RIC1: variants seen among roughly 807,000 people sequenced by gnomAD.
RIC1 encodes the protein RIC1 partner of RAB6A GEF complex, also known as guanine nucleotide exchange factor subunit RIC1.
Under a neutral mutation model 169.0 loss-of-function variants are expected in RIC1, and 88 were observed. That is an observed-to-expected ratio of 0.52 (90% CI 0.44 to 0.62). RIC1 has a LOEUF of 0.62. Ranked by LOEUF, RIC1 falls within the 20% of genes least tolerant of loss-of-function variation. The pLI is 0.00. For synonymous variants in RIC1, 790 were observed against 601.5 expected, an observed-to-expected ratio of 1.31 and a Z score of -4.59; for missense variants, 1,877 against 1,725.5, an observed-to-expected ratio of 1.09 and a Z score of -1.56.
chr9:5,677,273 C>G (rs904692917), intron 2 of RIC1, among the ~76,000 whole-genome samples: 2 of 152,128 alleles, frequency 1.3e-5, no homozygotes, highest in Non-Finnish European at 2.9e-5. Flanking sequence ...TTTCTAATAA[C>G]TAATGATGTT....
At chr9:5,748,075 C>G (rs909791491) in intron 12 of RIC1, among the ~76,000 whole-genome samples, 6 of 152,176 alleles carry the variant, frequency 3.9e-5, no homozygotes, top group Non-Finnish European at 7.3e-5. Context: ...TTCTGATAAA[C>G]TGACATTTAA....
At chr9:5,700,861 T>C (rs1822170488) in intron 3 of RIC1, among the ~76,000 whole-genome samples, 1 of 152,242 alleles carries the variant, frequency 6.6e-6, no homozygotes, top group Admixed American at 6.5e-5. Flanking sequence ...ATTTTTTCTT[T>C]TCCATGTAGT....
intron 3 of RIC1, among the ~76,000 whole-genome samples, chr9:5,697,094 A>G (rs1373439417): frequency 6.6e-6 from 1 of 152,174 alleles, no homozygotes; most frequent in Admixed American, 6.5e-5. Flanking sequence ...GTCACTATGT[A>G]TTTGGATAGT....
At chr9:5,730,908 C>T (rs1252111647) in intron 6 of RIC1, among the ~76,000 whole-genome samples, 1 of 152,090 alleles carries the variant, frequency 6.6e-6, no homozygotes, top group African/African-American at 2.4e-5. Context: ...TTTCACAACC[C>T]ATCCACTTCA....
At chr9:5,764,953 A>G (rs1291992244) in intron 19 of RIC1, 1 of 153,106 alleles carries the variant, frequency 6.5e-6, no homozygotes, top group East Asian at 1.9e-4. Context: ...TGTGCAGCAG[A>G]ACTTTACTAC....
At chr9:5,634,362 A>T (rs947013833) in intron 1 of RIC1, among the ~76,000 whole-genome samples, 7 of 152,082 alleles carry the variant, frequency 4.6e-5, no homozygotes, top group Non-Finnish European at 8.8e-5. Context: ...CAGGGAGGGG[A>T]TCCCTTTTCT....
chr9:5,679,905 C>T (rs1284048376), intron 2 of RIC1, among the ~76,000 whole-genome samples: 1 of 152,212 alleles, frequency 6.6e-6, no homozygotes, highest in East Asian at 1.9e-4. Context: ...GAGAGGGCAT[C>T]CCTGTCTTGT....
chr9:5,674,671 T>A (rs1395910828), intron 2 of RIC1, among the ~76,000 whole-genome samples: 1 of 152,230 alleles, frequency 6.6e-6, no homozygotes, highest in African/African-American at 2.4e-5. Context: ...AGTGCCTGTT[T>A]AATGATGCCA....
intron 2 of RIC1, among the ~76,000 whole-genome samples, chr9:5,682,915 C>G (rs1013822502): frequency 6.6e-6 from 1 of 152,172 alleles, no homozygotes; most frequent in African/African-American, 2.4e-5. Flanking sequence ...TCATTCATTT[C>G]ATCTTCCATC....
rs150568644 is a variant in RIC1, at chr9:5,727,379, C to T, written c.721-5009C>T. Among the ~76,000 whole-genome samples the T allele has an allele frequency of 7.7e-3, 1,176 of 152,312 alleles. 12 individuals are homozygous for T. The highest frequency in any genetic ancestry group is 0.027 in the African/African-American group (1,138 of 41,578). ...CACATAGTTCTCGTGCGATGGTTTT[C>T]AGCTCCATCACGTCATTTTAGGTCC... On this transcript the variant is annotated intron_variant, in intron 6 of 25. Coordinates refer to ENST00000414202, the MANE Select transcript of RIC1 (RefSeq NM_020829.4).
intron 2 of RIC1, among the ~76,000 whole-genome samples, chr9:5,681,580 G>A (rs138682428): frequency 0.013 from 2,009 of 152,268 alleles, 52 homozygotes; most frequent in African/African-American, 0.046. Context: ...GTCAATTTTG[G>A]AATAGGTGTG....
At chr9:5,674,518 C>T (rs1274154581) in intron 2 of RIC1, among the ~76,000 whole-genome samples, 1 of 152,014 alleles carries the variant, frequency 6.6e-6, no homozygotes, top group East Asian at 1.9e-4. Flanking sequence ...CCCAATTCAC[C>T]ACTCCAAAAG....
intron 1 of RIC1, among the ~76,000 whole-genome samples, chr9:5,653,850 C>G (rs1471684629): frequency 6.6e-6 from 1 of 152,136 alleles, no homozygotes; most frequent in Non-Finnish European, 1.5e-5. Flanking sequence ...CCTGCCTCAG[C>G]CTCCCAAAGT....
At chr9:5,761,187 C>T (rs1401699129) in intron 17 of RIC1, among the ~76,000 whole-genome samples, 4 of 138,104 alleles carry the variant, frequency 2.9e-5, no homozygotes, top group African/African-American at 1.1e-4. Flanking sequence ...AATCTTGGCT[C>T]ACTGCAGCCT....
intron 1 of RIC1, among the ~76,000 whole-genome samples, chr9:5,643,135 T>C (rs1818331967): frequency 6.6e-6 from 1 of 152,026 alleles, no homozygotes; most frequent in African/African-American, 2.4e-5. Context: ...CCCCCATCTC[T>C]ATAAAAAATA....
intron 12 of RIC1, among the ~76,000 whole-genome samples, chr9:5,751,133 C>T (rs1264654938): frequency 6.6e-6 from 1 of 151,644 alleles, no homozygotes; most frequent in Non-Finnish European, 1.5e-5. Context: ...CATTACCCAC[C>T]CACACGTTTC....
intron 1 of RIC1, among the ~76,000 whole-genome samples, chr9:5,631,399 T>G (rs1225374132): frequency 3.3e-5 from 5 of 152,166 alleles, no homozygotes; most frequent in Non-Finnish European, 7.4e-5. Context: ...TGTATAGTAC[T>G]GTAGTATGAG....
At chr9:5,634,966 A>G (rs1215090847) in intron 1 of RIC1, among the ~76,000 whole-genome samples, 1 of 152,226 alleles carries the variant, frequency 6.6e-6, no homozygotes, top group Non-Finnish European at 1.5e-5. Flanking sequence ...CTGTTGTACT[A>G]TCAAATACTA....
chr9:5,731,119 C>T (rs887280679), intron 6 of RIC1, among the ~76,000 whole-genome samples: 1 of 151,960 alleles, frequency 6.6e-6, no homozygotes, highest in South Asian at 2.1e-4. Context: ...ATTTTTTAAC[C>T]TCCAGTATTC....
Sources: gnomAD v4.1 joint callset for allele counts (sites outside exome capture counted in the v4.1 genomes callset) on GRCh38, gnomAD v4.1.1 for gene constraint, MANE v1.5 for transcripts, NCBI Gene and HGNC (gene_info 2026-07-23, HGNC 2026-07-21) for gene names.